Variants in MTCL3 observed in about 807,000 individuals in gnomAD.
The protein encoded by MTCL3 is microtubule cross-linking factor 3.
chr6:127,515,793 G>GGCCGCC, the MTCL3 span: 1 of 1,608,024 alleles, frequency 6.2e-7, no homozygotes, highest in South Asian at 1.1e-5. This position sits in a 1 kb window ranked among gnomAD's most constrained non-coding sequence, Gnocchi z 4.3. Context: ...TCTGAGCCGC[G>GGCCGCC]GCCGCCGCCG....
At chr6:127,481,633 A>T in the MTCL3 span, among the ~76,000 whole-genome samples, 1 of 141,254 alleles carries the variant, frequency 7.1e-6, no homozygotes, top group Non-Finnish European at 1.5e-5. Flanking sequence ...CTAATGTGAA[A>T]AAAACCTTGT....
At chr6:127,515,828 G>A in the MTCL3 span, 1 of 1,610,476 alleles carries the variant, frequency 6.2e-7, no homozygotes, top group Non-Finnish European at 8.5e-7. This position sits in a 1 kb window ranked among gnomAD's most constrained non-coding sequence, Gnocchi z 4.3. Context: ...TTCTTGAGAT[G>A]GAACTGGATG....
the MTCL3 span, among the ~76,000 whole-genome samples, chr6:127,493,678 C>A: frequency 0.12 from 17,642 of 152,204 alleles, 1,404 homozygotes; most frequent in Admixed American, 0.19. Flanking sequence ...AGTTATGAGG[C>A]TGCCAAACTT....
chr6:127,479,297 T>A, the MTCL3 span, among the ~76,000 whole-genome samples: 1 of 152,200 alleles, frequency 6.6e-6, no homozygotes. Flanking sequence ...CTCGTTGCCA[T>A]CTTGGTTTTG....
the MTCL3 span, chr6:127,512,751 G>C: frequency 1.2e-5 from 8 of 684,326 alleles, no homozygotes; most frequent in Non-Finnish European, 1.9e-5. Flanking sequence ...ATGAAATCAT[G>C]TATTTTTTAC....
At chr6:127,516,811 G>A in the MTCL3 span, 3 of 926,250 alleles carry the variant, frequency 3.2e-6, no homozygotes, top group Non-Finnish European at 4.7e-6. Flanking sequence ...TTGACTTTAG[G>A]AATAGGATGC....
chr6:127,488,554 C>T, the MTCL3 span, among the ~76,000 whole-genome samples: 1 of 152,076 alleles, frequency 6.6e-6, no homozygotes, highest in African/African-American at 2.4e-5. Context: ...TTATTTCTTA[C>T]CTAGATTTGT....
At chr6:127,507,315 C>A in the MTCL3 span, among the ~76,000 whole-genome samples, 1 of 152,086 alleles carries the variant, frequency 6.6e-6, no homozygotes, top group Non-Finnish European at 1.5e-5. Context: ...GAACTGGAAT[C>A]TGATCAACAA....
At chr6:127,482,836 CTATT>C in the MTCL3 span, 1 of 1,094,384 alleles carries the variant, frequency 9.1e-7, no homozygotes, top group Non-Finnish European at 1.3e-6. This position sits in a 1 kb window ranked among gnomAD's most constrained non-coding sequence, Gnocchi z 4.1. Context: ...GCCATTATAT[CTATT>C]TATAAATGTA....
At chr6:127,475,803 G>T in the MTCL3 span, 27 of 1,612,218 alleles carry the variant, frequency 1.7e-5, no homozygotes, top group Non-Finnish European at 1.8e-5. This position sits in a 1 kb window ranked among gnomAD's most constrained non-coding sequence, Gnocchi z 7.3. Flanking sequence ...GGATGCCCAG[G>T]TGCGAGGCCA....
At chr6:127,475,802 G>A in the MTCL3 span, 1 of 1,612,284 alleles carries the variant, frequency 6.2e-7, no homozygotes, top group Non-Finnish European at 8.5e-7. The surrounding 1 kb of genome is among the most constrained non-coding windows in gnomAD (Gnocchi z 7.3). Context: ...CGGATGCCCA[G>A]GTGCGAGGCC....
chr6:127,484,912 G>A, the MTCL3 span, among the ~76,000 whole-genome samples: 101 of 152,132 alleles, frequency 6.6e-4, no homozygotes, highest in Non-Finnish European at 9.6e-4. Flanking sequence ...ATTATCAAAA[G>A]CATCAGTTAT....
chr6:127,475,566 C>T, the MTCL3 span: 5 of 1,609,374 alleles, frequency 3.1e-6, no homozygotes, highest in Non-Finnish European at 4.2e-6. This position sits in a 1 kb window ranked among gnomAD's most constrained non-coding sequence, Gnocchi z 7.3. Flanking sequence ...GCTCGGCCTC[C>T]GAGCGGATGT....
chr6:127,488,297 CTTCCTTTGCATA>C, the MTCL3 span, among the ~76,000 whole-genome samples: 2 of 152,216 alleles, frequency 1.3e-5, no homozygotes, highest in Non-Finnish European at 2.9e-5. Context: ...CGGCCATTCT[CTTCCTTTGCATA>C]TTCCTTGTCT....
the MTCL3 span, among the ~76,000 whole-genome samples, chr6:127,498,280 A>T: frequency 6.6e-6 from 1 of 152,232 alleles, no homozygotes; most frequent in African/African-American, 2.4e-5. Context: ...TAGGCTAAAC[A>T]TTGTGAATAG....
the MTCL3 span, chr6:127,515,696 A>T: frequency 1.3e-6 from 2 of 1,557,886 alleles, no homozygotes; most frequent in Non-Finnish European, 1.7e-6. This position sits in a 1 kb window ranked among gnomAD's most constrained non-coding sequence, Gnocchi z 4.3. Flanking sequence ...GGGGAGGCGG[A>T]GGCGACGGCC....
At chr6:127,508,337 T>C in the MTCL3 span, among the ~76,000 whole-genome samples, 1 of 152,188 alleles carries the variant, frequency 6.6e-6, no homozygotes, top group Non-Finnish European at 1.5e-5. Context: ...TATTAAAGTG[T>C]TCCATTTGTA....
At chr6:127,490,561 G>A in the MTCL3 span, among the ~76,000 whole-genome samples, 2 of 151,926 alleles carry the variant, frequency 1.3e-5, no homozygotes, top group Non-Finnish European at 2.9e-5. Flanking sequence ...GCTCACGCCT[G>A]TAATCCAAGC....
At chr6:127,489,651 A>G in the MTCL3 span, among the ~76,000 whole-genome samples, 1 of 152,288 alleles carries the variant, frequency 6.6e-6, no homozygotes, top group Non-Finnish European at 1.5e-5. Context: ...ATAAAAGATC[A>G]AACAACCCAC....
Sources: gnomAD v4.1 joint callset for allele counts (sites outside exome capture counted in the v4.1 genomes callset) on GRCh38, gnomAD v4.1.1 for gene constraint, Gnocchi (gnomAD v3.1) non-coding constraint, MANE v1.5 for transcripts, NCBI Gene and HGNC (gene_info 2026-07-23, HGNC 2026-07-21) for gene names.